TAFA2: variants seen among roughly 807,000 people sequenced by gnomAD.
TAFA2 encodes chemokine-like protein TAFA-2.
Under a neutral mutation model 18.8 loss-of-function variants are expected in TAFA2, and 7 were observed. The observed-to-expected ratio is 0.37, with a 90% CI of 0.21 to 0.70. The LOEUF (loss-of-function observed/expected upper bound fraction) is 0.70, where lower values mean the gene tolerates loss of function less well. Ranked by LOEUF, TAFA2 falls within the 30% of genes least tolerant of loss-of-function variation. The pLI, the probability that TAFA2 is intolerant of heterozygous loss-of-function variation, is 0.53. For synonymous variants in TAFA2, 60 were observed against 54.2 expected (o/e 1.11, Z -0.47); for missense variants, 122 against 158.1 (o/e 0.77, Z 1.23).
At chr12:61,844,417 T>C (rs541487255) in intron 2 of TAFA2, among the ~76,000 whole-genome samples, 1 of 152,230 alleles carries the variant, frequency 6.6e-6, no homozygotes, top group South Asian at 2.1e-4. Flanking sequence ...AAAAAGTTTG[T>C]TTTATTATTA....
At chr12:61,733,474 T>G (rs1277666224) in intron 4 of TAFA2, among the ~76,000 whole-genome samples, 1 of 151,808 alleles carries the variant, frequency 6.6e-6, no homozygotes, top group Non-Finnish European at 1.5e-5. Context: ...GGGATCCAGT[T>G]TCAGCTTTCT....
intron 1 of TAFA2, among the ~76,000 whole-genome samples, chr12:62,172,323 T>C (rs2062483988): frequency 6.6e-6 from 1 of 151,986 alleles, no homozygotes; most frequent in Non-Finnish European, 1.5e-5. Context: ...GTCCCAAGGA[T>C]CATATAATCT....
intron 1 of TAFA2, among the ~76,000 whole-genome samples, chr12:62,029,783 A>C (rs2136743558): frequency 6.6e-6 from 1 of 151,400 alleles, no homozygotes; most frequent in South Asian, 2.1e-4. Context: ...TCATGCCCAC[A>C]CGGAAGAACC....
In TAFA2 at chr12:62,164,571, A is replaced by T. The variant is rs190025929; in HGVS notation, c.-2+26688T>A. ...ATTTGAGATAGACAAAATAATCTGTACAACAAACCCTCGTGACATGAGTTT... is the reference window on the plus strand; with the variant it reads ...ATTTGAGATAGACAAAATAATCTGTTCAACAAACCCTCGTGACATGAGTTT... On this transcript the variant is annotated intron_variant, in intron 1 of 4. Transcript: ENST00000416284. 5.3e-5 allele frequency among the ~76,000 whole-genome samples: 8 copies of T among 152,248 alleles called. No homozygotes were observed. In the East Asian group the frequency reaches 1.5e-3, roughly 29 times the overall value.
At chr12:62,004,815 T>C (rs1880493131) in intron 1 of TAFA2, among the ~76,000 whole-genome samples, 1 of 152,074 alleles carries the variant, frequency 6.6e-6, no homozygotes, top group South Asian at 2.1e-4. Flanking sequence ...AAAGAAAATG[T>C]GGTACAGATA....
intron 2 of TAFA2, among the ~76,000 whole-genome samples, chr12:61,812,500 C>G (rs562710107): frequency 6.6e-6 from 1 of 151,326 alleles, no homozygotes; most frequent in South Asian, 2.1e-4. Flanking sequence ...AGCTAGTGAC[C>G]TAGGACAACC....
chr12:61,876,993 T>A (rs1874877324), intron 1 of TAFA2, among the ~76,000 whole-genome samples: 1 of 152,178 alleles, frequency 6.6e-6, no homozygotes, highest in Non-Finnish European at 1.5e-5. Context: ...TAGTTGTACA[T>A]TACTTCATAT....
At position 62,184,499 on chromosome 12, in the gene TAFA2, A is replaced by ATTTTTTTTTTT. The variant is rs770289214; in HGVS notation, c.-2+6759_-2+6760insAAAAAAAAAAA. Among the ~76,000 whole-genome samples, 77 of 34,004 alleles carry ATTTTTTTTTTT rather than the reference A, an allele frequency of 2.3e-3. 2 individuals are homozygous for ATTTTTTTTTTT. Among genetic ancestry groups the ATTTTTTTTTTT allele is most frequent in the South Asian group, 4.2e-3 (4 of 952 alleles). The allele number at this position is 34,004 out of a possible 152,430, so 22.3% of individuals were successfully genotyped here. A position where few individuals can be genotyped will look rare whatever the true frequency, so the allele number is the denominator to read the frequency against. Reference sequence around the variant, plus strand: ...GGTCTGAACACACGGGAAAAAAAAAATTCTTTTTTTTTTGAGGCATAGTCT... The same window carrying ATTTTTTTTTTT: ...GGTCTGAACACACGGGAAAAAAAAAATTTTTTTTTTTTTCTTTTTTTTTTGAGGCATAGTCT... On this transcript the variant is annotated intron_variant, in intron 1 of 4. Transcript: ENST00000416284.
chr12:61,740,619 C>A (rs1462841598), intron 4 of TAFA2, among the ~76,000 whole-genome samples: 1 of 151,730 alleles, frequency 6.6e-6, no homozygotes, highest in African/African-American at 2.4e-5. Context: ...ACTAAAAGCC[C>A]AGACTTCATC....
chr12:61,935,538 C>A (rs750055322), intron 1 of TAFA2, among the ~76,000 whole-genome samples: 12 of 152,106 alleles, frequency 7.9e-5, no homozygotes, highest in Non-Finnish European at 1.5e-4. Flanking sequence ...TATATACTTA[C>A]CTTCATTATG....
intron 1 of TAFA2, among the ~76,000 whole-genome samples, chr12:62,160,458 T>C (rs1014746877): frequency 6.6e-6 from 1 of 152,232 alleles, no homozygotes; most frequent in African/African-American, 2.4e-5. Context: ...TTACCTGGTT[T>C]CTCCTAGTAA....
chr12:61,794,767 G>C (rs1396454560), intron 2 of TAFA2, among the ~76,000 whole-genome samples: 1 of 151,956 alleles, frequency 6.6e-6, no homozygotes, highest in Non-Finnish European at 1.5e-5. Context: ...CACAGCAAAA[G>C]AAACCACCAT....
intron 2 of TAFA2, among the ~76,000 whole-genome samples, chr12:61,863,614 G>T (rs149437578): frequency 6.6e-6 from 1 of 152,254 alleles, no homozygotes; most frequent in East Asian, 1.9e-4. Context: ...TCCTGAATAA[G>T]CTTTGCCTGG....
intron 1 of TAFA2, among the ~76,000 whole-genome samples, chr12:61,981,205 G>T (rs931731936): frequency 1.3e-5 from 2 of 152,214 alleles, no homozygotes; most frequent in East Asian, 3.9e-4. Context: ...AACAAGAAAT[G>T]GGGAAAGGAT....
intron 2 of TAFA2, among the ~76,000 whole-genome samples, chr12:61,806,422 A>G (rs1871616031): frequency 6.6e-6 from 1 of 152,214 alleles, no homozygotes; most frequent in African/African-American, 2.4e-5. Context: ...AACCACACGG[A>G]ACTGTAAGTC....
At chr12:61,983,341 C>T (rs1190306784) in intron 1 of TAFA2, among the ~76,000 whole-genome samples, 1 of 152,032 alleles carries the variant, frequency 6.6e-6, no homozygotes, top group Non-Finnish European at 1.5e-5. Flanking sequence ...CAATATAAAC[C>T]AGGAAGGGGT....
In TAFA2 at chr12:61,808,809, C is replaced by T. The variant is rs377139856; in HGVS notation, c.107-53785G>A. ...TTATATCTTTGCACAGTGCCTGCAG[C>T]GCATACGGAATCAGCAAATGTTTAT... On this transcript the variant is annotated intron_variant, in intron 2 of 4. Transcript: ENST00000416284. Among the ~76,000 whole-genome samples, 22 of 151,280 alleles carry T rather than the reference C, an allele frequency of 1.5e-4. 3 individuals carry two copies. The highest frequency in any genetic ancestry group is 9.6e-4 in the East Asian group (5 of 5,186).
chr12:61,784,754 A>G (rs1448596041), intron 2 of TAFA2, among the ~76,000 whole-genome samples: 1 of 150,504 alleles, frequency 6.6e-6, no homozygotes, highest in Non-Finnish European at 1.5e-5. Flanking sequence ...GAAGTTTTAC[A>G]TATTTAGTCT....
At chr12:61,730,177 G>A (rs1397758378) in intron 4 of TAFA2, among the ~76,000 whole-genome samples, 2 of 151,966 alleles carry the variant, frequency 1.3e-5, no homozygotes, top group Non-Finnish European at 1.5e-5. Context: ...GTTTTCTTTA[G>A]TGCACTGGTT....
Sources: allele counts gnomAD v4.1 joint callset (sites outside exome capture counted in the v4.1 genomes callset), GRCh38; gene constraint gnomAD v4.1.1; transcripts MANE v1.5; gene names NCBI Gene and HGNC (gene_info 2026-07-23, HGNC 2026-07-21).